The following IMMP2L variants were observed in gnomAD, a reference collection of about 807,000 sequenced individuals.
IMMP2L encodes inner mitochondrial membrane peptidase subunit 2.
In IMMP2L, 18 loss-of-function variants were observed where a neutral mutation model predicts 19.3. The observed-to-expected ratio is 0.93, with a 90% CI of 0.64 to 1.38. The LOEUF is 1.38. IMMP2L is among the 40% of genes most tolerant of loss of function. The pLI is 0.00. For synonymous variants in IMMP2L, 76 were observed against 73.0 expected (o/e 1.04, Z -0.21); for missense variants, 233 against 218.2 (o/e 1.07, Z -0.43).
chr7:110,984,705 G>T (rs1265531136), intron 3 of IMMP2L, among the ~76,000 whole-genome samples: 1 of 151,886 alleles, frequency 6.6e-6, no homozygotes, highest in Non-Finnish European at 1.5e-5. Context: ...CTTAGTCGGG[G>T]CTTAACCTAA....
intron 3 of IMMP2L, among the ~76,000 whole-genome samples, chr7:111,074,185 A>T (rs142028877): frequency 2.6e-4 from 39 of 152,332 alleles, no homozygotes; most frequent in African/African-American, 8.9e-4. Flanking sequence ...AGGTTAAATG[A>T]CCTACCCAAA....
chr7:110,910,521 T>G (rs1008520562), intron 4 of IMMP2L, among the ~76,000 whole-genome samples: 1 of 152,166 alleles, frequency 6.6e-6, no homozygotes, highest in African/African-American at 2.4e-5. Context: ...TGAATTTTGA[T>G]GTAGGATGGC....
At chr7:111,094,138 C>G (rs561201486) in intron 3 of IMMP2L, among the ~76,000 whole-genome samples, 26 of 152,202 alleles carry the variant, frequency 1.7e-4, no homozygotes, top group Non-Finnish European at 2.9e-4. Flanking sequence ...CACTCCTCCC[C>G]CCGAATCTGA....
At chr7:111,059,045 C>G (rs1374124299) in intron 3 of IMMP2L, among the ~76,000 whole-genome samples, 1 of 151,984 alleles carries the variant, frequency 6.6e-6, no homozygotes, top group Admixed American at 6.6e-5. Flanking sequence ...TGCAGTGGCG[C>G]AATCTCGGCT....
intron 3 of IMMP2L, among the ~76,000 whole-genome samples, chr7:111,443,705 A>C (rs563845514): frequency 6.6e-6 from 1 of 152,264 alleles, no homozygotes; most frequent in African/African-American, 2.4e-5. Context: ...AAATATCGGA[A>C]ACTATTATAT....
intron 3 of IMMP2L, among the ~76,000 whole-genome samples, chr7:111,166,729 A>C (rs1474495682): frequency 6.6e-6 from 1 of 151,958 alleles, no homozygotes; most frequent in Non-Finnish European, 1.5e-5. Context: ...CTGGGGAAGA[A>C]TTCTTCCTTA....
chr7:111,055,219 T>G (rs2129573746), intron 3 of IMMP2L, among the ~76,000 whole-genome samples: 1 of 152,236 alleles, frequency 6.6e-6, no homozygotes, highest in Admixed American at 6.5e-5. Flanking sequence ...CCACTTTTTT[T>G]GTAGACACAG....
chr7:110,684,449 T>G (rs1392574211), intron 5 of IMMP2L, among the ~76,000 whole-genome samples: 1 of 152,064 alleles, frequency 6.6e-6, no homozygotes, highest in African/African-American at 2.4e-5. Context: ...TATATAACTT[T>G]ACTCCACTGA....
At chr7:110,871,273 G>A (rs1025463054) in intron 5 of IMMP2L, among the ~76,000 whole-genome samples, 1 of 152,006 alleles carries the variant, frequency 6.6e-6, no homozygotes, top group Non-Finnish European at 1.5e-5. Context: ...ATACCATCTG[G>A]AGATACGAAT....
At position 110,803,687 on chromosome 7, in the gene IMMP2L, C is replaced by T. The variant is rs1393069446; in HGVS notation, c.408+82906G>A. Among the ~76,000 whole-genome samples the T allele has an allele frequency of 6.6e-6, 1 of 151,972 alleles. No individual in the cohort carries two copies. The highest frequency in any genetic ancestry group is 2.4e-5 in the African/African-American group (1 of 41,408). ...CTTGGACCAGGCAGCTCCCTGTAGC[C>T]AAGGGCAAGTCCTGATGGGCTGACA... On this transcript the variant is annotated intron_variant, in intron 5 of 5. Coordinates refer to ENST00000405709, the MANE Select transcript of IMMP2L (RefSeq NM_032549.4). This position sits in a 1 kb window ranked among gnomAD's most constrained non-coding sequence, Gnocchi z 4.2.
In IMMP2L at chr7:111,123,667, T is replaced by TC. The variant is rs1460814251; in HGVS notation, c.240-160103dup. 6.2e-7 allele frequency: 1 copy of TC among 1,613,848 alleles called. No individual in the cohort carries two copies. The highest frequency in any genetic ancestry group is 1.3e-5 in the African/African-American group (1 of 74,892). On this transcript the variant is annotated intron_variant, in intron 3 of 5. Coordinates refer to ENST00000405709, the MANE Select transcript of IMMP2L (RefSeq NM_032549.4). This position sits in a 1 kb window ranked among gnomAD's most constrained non-coding sequence, Gnocchi z 6.4. Reference sequence around the variant, plus strand: ...GATAAATAATATGCCTGAGCTGATTTCCATCGATAGTCTTGCTGTGGATAA... The same window carrying TC: ...GATAAATAATATGCCTGAGCTGATTTCCCATCGATAGTCTTGCTGTGGATAA...
intron 5 of IMMP2L, among the ~76,000 whole-genome samples, chr7:110,824,656 C>T (rs1803305522): frequency 6.6e-6 from 1 of 152,084 alleles, no homozygotes; most frequent in Admixed American, 6.6e-5. Flanking sequence ...GGATGAACCA[C>T]CGCTCCCAGC....
intron 3 of IMMP2L, among the ~76,000 whole-genome samples, chr7:111,024,379 G>A (rs1826603042): frequency 6.6e-6 from 1 of 152,248 alleles, no homozygotes; most frequent in Non-Finnish European, 1.5e-5. Context: ...TCTCTGGGCA[G>A]CCCTTTTCTC....
intron 5 of IMMP2L, among the ~76,000 whole-genome samples, chr7:110,666,709 T>C (rs1261740897): frequency 1.3e-5 from 2 of 152,192 alleles, no homozygotes; most frequent in East Asian, 1.9e-4. Context: ...CTCCATATTT[T>C]ATCTCCCTTC....
At chr7:111,160,741 A>T (rs973735542) in intron 3 of IMMP2L, among the ~76,000 whole-genome samples, 1 of 150,486 alleles carries the variant, frequency 6.6e-6, no homozygotes, top group Non-Finnish European at 1.5e-5. Context: ...AAGTAAAATT[A>T]AAAAATATAA....
chr7:110,847,335 G>A (rs769526494), intron 5 of IMMP2L, among the ~76,000 whole-genome samples: 2 of 152,050 alleles, frequency 1.3e-5, no homozygotes, highest in Admixed American at 1.3e-4. Flanking sequence ...CTGATTTTCT[G>A]TTTGTACTTT....
At chr7:111,235,338 G>C (rs1263508685) in intron 3 of IMMP2L, among the ~76,000 whole-genome samples, 1 of 151,980 alleles carries the variant, frequency 6.6e-6, no homozygotes, top group East Asian at 1.9e-4. Flanking sequence ...GAGCGTGGTG[G>C]TGGGCACCTG....
intron 3 of IMMP2L, among the ~76,000 whole-genome samples, chr7:111,192,176 T>G (rs1054745059): frequency 6.6e-6 from 1 of 152,116 alleles, no homozygotes; most frequent in African/African-American, 2.4e-5. Flanking sequence ...ACAATATATT[T>G]TTATAACCCT....
At chr7:111,384,171 AAGGAGG>A (rs996798419) in intron 3 of IMMP2L, among the ~76,000 whole-genome samples, 1 of 151,508 alleles carries the variant, frequency 6.6e-6, no homozygotes, top group African/African-American at 2.4e-5. Context: ...AAGGAGGAGA[AAGGAGG>A]AGAAGGAGAA....
Sources: allele counts gnomAD v4.1 joint callset (sites outside exome capture counted in the v4.1 genomes callset), GRCh38; gene constraint gnomAD v4.1.1; non-coding constraint Gnocchi (gnomAD v3.1); transcripts MANE v1.5; gene names NCBI Gene and HGNC (gene_info 2026-07-23, HGNC 2026-07-21).